Variants in ADAMTS18 observed in about 807,000 individuals in gnomAD.
ADAMTS18 encodes A disintegrin and metalloproteinase with thrombospondin motifs 18.
A neutral mutation model predicts 165.9 loss-of-function variants in ADAMTS18; 157 were observed. The observed-to-expected ratio is 0.95, with a 90% CI of 0.83 to 1.08. The LOEUF (loss-of-function observed/expected upper bound fraction) is 1.08, where lower values mean the gene tolerates loss of function less well. Among genes scored for constraint, ADAMTS18 ranks in the 50% least tolerant of loss-of-function variants. The probability of loss-of-function intolerance (pLI) is 0.00; values close to 1 mark genes in which losing one functional copy is unlikely to be tolerated. For synonymous variants in ADAMTS18, 782 were observed against 578.2 expected (o/e 1.35, Z -5.06); for missense variants, 2,040 against 1,534.0 (o/e 1.33, Z -5.51).
In ADAMTS18 at chr16:77,434,851, A is replaced by C; in HGVS notation, c.-156T>G. The C allele has an allele frequency of 1.8e-6, 1 of 554,834 alleles. No individual in the cohort carries two copies. The highest frequency in any genetic ancestry group is 5.3e-5 in the South Asian group (1 of 18,840). 34.4% of individuals were successfully genotyped at this position (554,834 alleles called of 1,614,324 possible). Reference sequence around the variant, plus strand: ...CACATCGCAGCGGGGGCGCGCTGGGACCTCCCCTCCTCCGGCCGCCTGCGC... The same window carrying C: ...CACATCGCAGCGGGGGCGCGCTGGGCCCTCCCCTCCTCCGGCCGCCTGCGC... On this transcript the variant is annotated 5_prime_UTR_variant, in exon 1 of 23. Coordinates refer to ENST00000282849, the MANE Select transcript of ADAMTS18 (RefSeq NM_199355.4).
intron 17 of ADAMTS18, 58 bp from the exon 18 acceptor site, chr16:77,297,473 T>G: frequency 6.5e-7 from 1 of 1,539,672 alleles, no homozygotes; most frequent in Non-Finnish European, 9.0e-7. Context: ...TCAATTTGGT[T>G]CTAAGTTTAG....
intron 3 of ADAMTS18, among the ~76,000 whole-genome samples, chr16:77,400,466 G>C (rs71396110): frequency 4.3e-5 from 6 of 139,498 alleles, no homozygotes; most frequent in East Asian, 2.0e-4. Flanking sequence ...CTGTGTGTGT[G>C]TGTGTGTGTG....
At chr16:77,365,114 C>A (rs931933285) in intron 4 of ADAMTS18, among the ~76,000 whole-genome samples, 1 of 152,052 alleles carries the variant, frequency 6.6e-6, no homozygotes, top group Non-Finnish European at 1.5e-5. Context: ...AAAGAAACAC[C>A]CAACCACACC....
At chr16:77,384,562 A>G (rs1347668924) in intron 3 of ADAMTS18, among the ~76,000 whole-genome samples, 1 of 152,206 alleles carries the variant, frequency 6.6e-6, no homozygotes, top group Admixed American at 6.5e-5. Flanking sequence ...GAACTTCTGT[A>G]CATTGGGGAA....
At chr16:77,380,207 A>G (rs148584968) in intron 3 of ADAMTS18, among the ~76,000 whole-genome samples, 45 of 152,314 alleles carry the variant, frequency 3.0e-4, no homozygotes, top group African/African-American at 1.1e-3. Flanking sequence ...CTTTGACTAT[A>G]TGCAGTGGTT....
chr16:77,427,388 G>C (rs1408104496), intron 3 of ADAMTS18, among the ~76,000 whole-genome samples: 1 of 152,222 alleles, frequency 6.6e-6, no homozygotes, highest in African/African-American at 2.4e-5. Context: ...TTAAGACTGT[G>C]GTTCAACAGC....
chr16:77,372,631 T>C (rs2144754319), intron 3 of ADAMTS18, among the ~76,000 whole-genome samples: 1 of 152,344 alleles, frequency 6.6e-6, no homozygotes, highest in East Asian at 1.9e-4. Context: ...TTCACATTCG[T>C]GGCCTTATGA....
At chr16:77,312,034 T>C (rs2055791258) in intron 16 of ADAMTS18, among the ~76,000 whole-genome samples, 1 of 152,154 alleles carries the variant, frequency 6.6e-6, no homozygotes, top group Non-Finnish European at 1.5e-5. Context: ...ACATATCCAA[T>C]TGAACCTGGG....
At chr16:77,390,490 G>C (rs1281604041) in intron 3 of ADAMTS18, among the ~76,000 whole-genome samples, 1 of 152,012 alleles carries the variant, frequency 6.6e-6, no homozygotes, top group Non-Finnish European at 1.5e-5. Flanking sequence ...AGGAGTTTGA[G>C]ACCAGCCTGA....
At chr16:77,429,648 A>G (rs1420604069) in intron 3 of ADAMTS18, among the ~76,000 whole-genome samples, 1 of 152,184 alleles carries the variant, frequency 6.6e-6, no homozygotes, top group Non-Finnish European at 1.5e-5. Context: ...TTATGATTCT[A>G]CTCATGTGAA....
At chr16:77,419,746 C>T (rs1348208480) in intron 3 of ADAMTS18, among the ~76,000 whole-genome samples, 2 of 152,086 alleles carry the variant, frequency 1.3e-5, no homozygotes, top group Non-Finnish European at 2.9e-5. Context: ...GTGACTCATG[C>T]CTGTAATCCC....
At chr16:77,373,331 G>C (rs571421204) in intron 3 of ADAMTS18, among the ~76,000 whole-genome samples, 1 of 151,712 alleles carries the variant, frequency 6.6e-6, no homozygotes, top group Admixed American at 6.6e-5. Flanking sequence ...AAACTAGCCA[G>C]GCATATAGTC....
chr16:77,420,380 C>T (rs1008683278), intron 3 of ADAMTS18, among the ~76,000 whole-genome samples: 3 of 152,124 alleles, frequency 2.0e-5, no homozygotes, highest in Non-Finnish European at 4.4e-5. Flanking sequence ...CTCAACTGTG[C>T]ATTAGGACTA....
intron 16 of ADAMTS18, among the ~76,000 whole-genome samples, chr16:77,318,256 ACTAT>A (rs2055922793): frequency 6.6e-6 from 1 of 152,156 alleles, no homozygotes; most frequent in Admixed American, 6.5e-5. Context: ...CAAAGAGCAA[ACTAT>A]CTATTTCCCA....
chr16:77,382,222 T>TTTGTTA (rs2057041405), intron 3 of ADAMTS18, among the ~76,000 whole-genome samples: 3 of 150,864 alleles, frequency 2.0e-5, no homozygotes, highest in African/African-American at 7.2e-5. Context: ...TTTGTTTGTT[T>TTTGTTA]GTTTTTTTGA....
intron 3 of ADAMTS18, among the ~76,000 whole-genome samples, chr16:77,415,452 A>G (rs1009225627): frequency 1.3e-5 from 2 of 152,242 alleles, no homozygotes; most frequent in Non-Finnish European, 2.9e-5. Context: ...CTCAGGGGGC[A>G]AGATGGTTGC....
chr16:77,320,993 G>T, intron 15 of ADAMTS18, 86 bp downstream of exon 15: 1 of 1,546,680 alleles, frequency 6.5e-7, no homozygotes, highest in South Asian at 1.1e-5. Context: ...ACTAGTAAAA[G>T]GCTCAACCAC....
rs2056588533 is a variant in ADAMTS18 at position 77,353,754 on chromosome 16, T to G, written c.1593A>C (p.Leu531Phe). Residue 531 changes from leucine (L) to phenylalanine (F), a missense_variant, in exon 10 of 23, where the codon TTA becomes TTC. Transcript: ENST00000282849. ...CKWQFGAKAK[L>F]CSLGFVKDIC... Reference sequence around the variant, plus strand: ...ATACCTTCACAAAACCAAGGCTGCATAACTTGGCTTTTGCTCCAAATTGCC... The same window carrying G: ...ATACCTTCACAAAACCAAGGCTGCAGAACTTGGCTTTTGCTCCAAATTGCC... 6.2e-7 allele frequency: 1 copy of G among 1,614,192 alleles called. No individual in the cohort carries two copies. The highest frequency in any genetic ancestry group is 8.5e-7 in the Non-Finnish European group (1 of 1,180,030).
At chr16:77,420,547 C>T (rs1181305858) in intron 3 of ADAMTS18, among the ~76,000 whole-genome samples, 1 of 152,184 alleles carries the variant, frequency 6.6e-6, no homozygotes, top group African/African-American at 2.4e-5. Flanking sequence ...TAGTCATACA[C>T]ACCGAGGTTA....
Sources: gnomAD v4.1 joint callset for allele counts (sites outside exome capture counted in the v4.1 genomes callset) on GRCh38, gnomAD v4.1.1 for gene constraint, MANE v1.5 for transcripts, NCBI Gene and HGNC (gene_info 2026-07-23, HGNC 2026-07-21) for gene names.